Variants in PRKCE observed in about 807,000 individuals in gnomAD.
PRKCE encodes protein kinase C epsilon type.
PRKCE carries 16 observed loss-of-function variants against 85.4 expected under a neutral mutation model. The observed-to-expected ratio is 0.19, with a 90% CI of 0.13 to 0.28. PRKCE has a LOEUF of 0.28. PRKCE is among the 10% of genes least tolerant of loss of function. The pLI is 1.00. For missense variants in PRKCE, 573 were observed against 975.2 expected (o/e 0.59, Z 5.49); for synonymous variants, 388 against 371.5 (o/e 1.04, Z -0.51).
intron 1 of PRKCE, among the ~76,000 whole-genome samples, chr2:45,754,492 C>G (rs924805971): frequency 6.6e-6 from 1 of 152,112 alleles, no homozygotes; most frequent in African/African-American, 2.4e-5. Context: ...TGTTAATAAT[C>G]CAGCCTTCAT....
chr2:45,987,771 GA>G (rs1441834324), intron 6 of PRKCE, among the ~76,000 whole-genome samples: 4 of 152,206 alleles, frequency 2.6e-5, no homozygotes, highest in Non-Finnish European at 2.9e-5. Context: ...GTATCATACA[GA>G]TTAGCTGGAT....
chr2:46,005,228 C>T (rs540465355), intron 8 of PRKCE, among the ~76,000 whole-genome samples: 25 of 152,264 alleles, frequency 1.6e-4, no homozygotes, highest in Non-Finnish European at 2.4e-4. Flanking sequence ...TCCTTCTGTC[C>T]GACTGTGCTT....
At chr2:45,675,187 C>G (rs955056651) in intron 1 of PRKCE, 1 of 152,180 alleles carries the variant, frequency 6.6e-6, no homozygotes, top group Non-Finnish European at 1.5e-5. Flanking sequence ...CAAAATAGCA[C>G]AAGAAAACAC....
chr2:45,931,809 C>T (rs915480510), intron 2 of PRKCE, among the ~76,000 whole-genome samples: 14 of 152,164 alleles, frequency 9.2e-5, no homozygotes, highest in Admixed American at 3.3e-4. Flanking sequence ...CGGGTTGCAG[C>T]GATTCTCGTG....
chr2:46,061,478 G>A (rs912075428), intron 10 of PRKCE, among the ~76,000 whole-genome samples: 3 of 152,044 alleles, frequency 2.0e-5, no homozygotes, highest in African/African-American at 7.2e-5. Context: ...CTGGGTGAGA[G>A]AAGAACCATT....
chr2:45,713,931 G>A (rs1448281051), intron 1 of PRKCE, among the ~76,000 whole-genome samples: 3 of 152,172 alleles, frequency 2.0e-5, no homozygotes, highest in African/African-American at 7.2e-5. Flanking sequence ...CATTTCTTGA[G>A]ACAGTAAAAT....
chr2:46,086,602 G>A (rs945329466), intron 11 of PRKCE, among the ~76,000 whole-genome samples: 1 of 152,188 alleles, frequency 6.6e-6, no homozygotes, highest in African/African-American at 2.4e-5. Flanking sequence ...TAAAGCTCAA[G>A]CATGACATTT....
At chr2:45,823,944 G>A (rs921562563) in intron 1 of PRKCE, among the ~76,000 whole-genome samples, 1 of 152,256 alleles carries the variant, frequency 6.6e-6, no homozygotes, top group Non-Finnish European at 1.5e-5. Context: ...AGCTGAGATG[G>A]ACTGGGCATT....
chr2:45,848,464 C>T (rs1295130449), intron 2 of PRKCE, among the ~76,000 whole-genome samples: 1 of 152,258 alleles, frequency 6.6e-6, no homozygotes, highest in African/African-American at 2.4e-5. Context: ...GCATGCACCA[C>T]CATGCCTGGT....
In PRKCE at chr2:46,186,110, A is replaced by G. The variant is rs932386764; in HGVS notation, c.*1229A>G. The G allele has an allele frequency of 6.6e-6, 1 of 152,644 alleles. No homozygotes were observed. Among genetic ancestry groups the G allele is most frequent in the African/African-American group, 2.4e-5 (1 of 41,456 alleles). 9.5% of individuals were successfully genotyped at this position (152,644 alleles called of 1,614,324 possible). ...CAGTTTTGTTTCTGTGTGACATGCA[A>G]TGGCAACTCATGTGGACACTATTGA... On this transcript the variant is annotated 3_prime_UTR_variant, in exon 15 of 15. Coordinates refer to ENST00000306156, the MANE Select transcript of PRKCE (RefSeq NM_005400.3).
chr2:45,912,462 C>T (rs561842577), intron 2 of PRKCE, among the ~76,000 whole-genome samples: 67 of 152,234 alleles, frequency 4.4e-4, no homozygotes, highest in African/African-American at 1.6e-3. Context: ...GAGTGCTTTG[C>T]CTTGGGAGTG....
chr2:46,169,506 T>G (rs1189921293), intron 14 of PRKCE, among the ~76,000 whole-genome samples: 1 of 152,136 alleles, frequency 6.6e-6, no homozygotes, highest in Non-Finnish European at 1.5e-5. Flanking sequence ...CAATGGAGTA[T>G]TTCAGGTGTG....
intron 2 of PRKCE, among the ~76,000 whole-genome samples, chr2:45,908,887 C>T (rs1170984951): frequency 6.6e-6 from 1 of 152,158 alleles, no homozygotes; most frequent in Non-Finnish European, 1.5e-5. Context: ...ATACCCCTCT[C>T]CTTCCTCTGA....
intron 1 of PRKCE, among the ~76,000 whole-genome samples, chr2:45,685,039 C>A (rs1677194232): frequency 6.6e-6 from 1 of 152,134 alleles, no homozygotes; most frequent in Admixed American, 6.5e-5. Flanking sequence ...ACTTTGTGGT[C>A]TGAAAATTGG....
intron 1 of PRKCE, among the ~76,000 whole-genome samples, chr2:45,767,496 C>T (rs180927330): frequency 1.3e-5 from 2 of 152,306 alleles, no homozygotes; most frequent in East Asian, 3.9e-4. Context: ...TGTAATCAAC[C>T]ATGTTCACAC....
intron 1 of PRKCE, among the ~76,000 whole-genome samples, chr2:45,733,105 G>A (rs1433171155): frequency 1.3e-5 from 2 of 152,128 alleles, no homozygotes; most frequent in South Asian, 4.1e-4. Flanking sequence ...CTGGGGCTGC[G>A]GTTTACTGGT....
Position 46,001,161 on chromosome 2 carries a change from G to C in PRKCE, c.824-243G>C, listed in dbSNP as rs4952796. ...TTACTTATCTATATTTAGGGTATAC[G>C]TAGAAAGGATGGCTGGAATGAAGTA... On this transcript the variant is annotated intron_variant, in intron 6 of 14. Transcript: ENST00000306156. The surrounding 1 kb of genome is among the most constrained non-coding windows in gnomAD (Gnocchi z 4.4). Among the ~76,000 whole-genome samples the C allele has an allele frequency of 6.6e-6, 1 of 151,684 alleles. No individual in the cohort carries two copies. The highest frequency in any genetic ancestry group is 1.5e-5 in the Non-Finnish European group (1 of 67,920).
intron 2 of PRKCE, among the ~76,000 whole-genome samples, chr2:45,889,765 G>T (rs1411464109): frequency 6.6e-6 from 1 of 152,174 alleles, no homozygotes; most frequent in Non-Finnish European, 1.5e-5. Flanking sequence ...TATGTGTTCT[G>T]ATTTAGTGAG....
At chr2:46,061,859 C>CTTTTTTTTTTTT (rs10695600) in intron 10 of PRKCE, among the ~76,000 whole-genome samples, 1 of 107,746 alleles carries the variant, frequency 9.3e-6, no homozygotes, top group Non-Finnish European at 1.8e-5. Context: ...TTTTCTTTTT[C>CTTTTTTTTTTTT]TTTTTTTTTT....
Sources: allele counts gnomAD v4.1 joint callset (sites outside exome capture counted in the v4.1 genomes callset), GRCh38; gene constraint gnomAD v4.1.1; non-coding constraint Gnocchi (gnomAD v3.1); transcripts MANE v1.5; gene names NCBI Gene and HGNC (gene_info 2026-07-23, HGNC 2026-07-21).